FUT8: variants seen among roughly 807,000 people sequenced by gnomAD.
FUT8 encodes the protein fucosyltransferase 8, also known as alpha-(1,6)-fucosyltransferase.
Under a neutral mutation model 71.3 loss-of-function variants are expected in FUT8, and 29 were observed. The ratio of observed to expected loss-of-function variants is 0.41; its 90% CI spans 0.30 to 0.55. FUT8 has a LOEUF of 0.55. Among genes scored for constraint, FUT8 ranks in the 20% least tolerant of loss-of-function variants. The pLI is 0.34. For missense variants in FUT8, 544 were observed against 702.1 expected (o/e 0.77, Z 2.55); for synonymous variants, 254 against 239.3 (o/e 1.06, Z -0.57).
the FUT8 span, among the ~76,000 whole-genome samples, chr14:65,386,930 C>T: frequency 6.8e-6 from 1 of 147,308 alleles, no homozygotes; most frequent in Non-Finnish European, 1.5e-5. Flanking sequence ...CAACCTCTGC[C>T]TCCTGGGTTC....
At chr14:65,376,107 T>C in the FUT8 span, among the ~76,000 whole-genome samples, 1 of 150,650 alleles carries the variant, frequency 6.6e-6, no homozygotes, top group African/African-American at 2.4e-5. Flanking sequence ...AAAAAAATAA[T>C]AAAATAAATA....
intron 2 of FUT8, among the ~76,000 whole-genome samples, chr14:65,532,218 A>T (rs2139917038): frequency 6.6e-6 from 1 of 152,290 alleles, no homozygotes; most frequent in Non-Finnish European, 1.5e-5. Flanking sequence ...CAGTGGTTGA[A>T]CTAATTTTAC....
At chr14:65,527,915 A>C (rs2060208014) in intron 2 of FUT8, among the ~76,000 whole-genome samples, 1 of 152,182 alleles carries the variant, frequency 6.6e-6, no homozygotes, top group African/African-American at 2.4e-5. Flanking sequence ...TGGAAGCTTC[A>C]TCTCAGAGGG....
Position 65,643,665 on chromosome 14 carries a change from TACACACACACAC to T in FUT8, c.597+14098_597+14109del, listed in dbSNP as rs60967671. On this transcript the variant is annotated intron_variant, in intron 6 of 10. Coordinates refer to ENST00000673929, the MANE Select transcript of FUT8 (RefSeq NM_001371533.1). This position sits in a 1 kb window ranked among gnomAD's most constrained non-coding sequence, Gnocchi z 4.5. ...CGAGACTCCGTCTTTAAAAAAAAAA[TACACACACACAC>T]ACACACACACACACACACACACACA... is the stretch of plus-strand genomic sequence containing the variant. Among the ~76,000 whole-genome samples, 2,501 of 124,722 alleles carry T rather than the reference TACACACACACAC, an allele frequency of 0.02. 36 individuals are homozygous for T. The highest frequency in any genetic ancestry group is 0.021 in the Non-Finnish European group (1,286 of 61,866). 81.8% of individuals were successfully genotyped at this position (124,722 alleles called of 152,430 possible).
At chr14:65,425,165 GTTTC>G (rs1428324967) in intron 1 of FUT8, among the ~76,000 whole-genome samples, 1 of 150,956 alleles carries the variant, frequency 6.6e-6, no homozygotes, top group Admixed American at 6.6e-5. Flanking sequence ...AAAAAATGGA[GTTTC>G]TTTTTTTTTT....
intron 5 of FUT8, among the ~76,000 whole-genome samples, chr14:65,621,656 A>G (rs1414389578): frequency 4.0e-5 from 6 of 150,936 alleles, no homozygotes; most frequent in Admixed American, 6.6e-5. Context: ...CTGCCTCCCG[A>G]GTTCAAGCGA....
chr14:65,737,810 T>C (rs147214124), intron 10 of FUT8, among the ~76,000 whole-genome samples: 48 of 152,250 alleles, frequency 3.2e-4, no homozygotes, highest in African/African-American at 1.1e-3. Context: ...ATGGCAGTTA[T>C]TACAATACTC....
chr14:65,474,409 C>CCTG (rs1346188254), intron 2 of FUT8, among the ~76,000 whole-genome samples: 1 of 132,928 alleles, frequency 7.5e-6, no homozygotes, highest in Non-Finnish European at 1.6e-5. Flanking sequence ...TCGGGACCAG[C>CCTG]CTGACCAACA....
intron 7 of FUT8, among the ~76,000 whole-genome samples, chr14:65,701,172 T>C (rs1371274716): frequency 6.6e-6 from 1 of 152,234 alleles, no homozygotes; most frequent in Non-Finnish European, 1.5e-5. Flanking sequence ...AGGTGTTATA[T>C]CCCAAATTTT....
intron 3 of FUT8, among the ~76,000 whole-genome samples, chr14:65,576,894 ACT>A (rs1321407192): frequency 6.6e-6 from 1 of 151,084 alleles, no homozygotes; most frequent in Non-Finnish European, 1.5e-5. Flanking sequence ...TAATTTTTGT[ACT>A]TTTCATAGAG....
the FUT8 span, among the ~76,000 whole-genome samples, chr14:65,392,511 T>A: frequency 3.4e-4 from 52 of 152,092 alleles, 2 homozygotes; most frequent in South Asian, 4.8e-3. Flanking sequence ...CGGTTTTGAC[T>A]TCCTGAAATA....
Position 65,696,002 on chromosome 14 carries a change from A to G in FUT8, c.836-25773A>G, listed in dbSNP as rs374046766. 4.6e-5 allele frequency among the ~76,000 whole-genome samples: 7 copies of G among 152,156 alleles called. No individual in the cohort carries two copies. The East Asian group carries it at 7.7e-4, about 17-fold the overall frequency. On this transcript the variant is annotated intron_variant, in intron 7 of 10. Coordinates refer to ENST00000673929, the MANE Select transcript of FUT8 (RefSeq NM_001371533.1). Reference sequence around the variant, plus strand: ...CTTTATATATCCCTTCATGGGATATATAATGCCAAGACCTTATAACAGAGT... The same window carrying G: ...CTTTATATATCCCTTCATGGGATATGTAATGCCAAGACCTTATAACAGAGT...
chr14:65,691,232 T>G (rs1817176281), intron 7 of FUT8, among the ~76,000 whole-genome samples: 1 of 151,184 alleles, frequency 6.6e-6, no homozygotes. Flanking sequence ...TACCTTTTCT[T>G]TCTTTCTTTT....
At chr14:65,624,752 T>C (rs1425887879) in intron 5 of FUT8, among the ~76,000 whole-genome samples, 2 of 152,258 alleles carry the variant, frequency 1.3e-5, no homozygotes, top group Non-Finnish European at 2.9e-5. Flanking sequence ...TTCCATTGTA[T>C]GACATCTCCA....
chr14:65,545,896 A>G (rs75583224), intron 2 of FUT8, among the ~76,000 whole-genome samples: 1,589 of 151,942 alleles, frequency 0.01, 28 homozygotes, highest in African/African-American at 0.037. Context: ...ACATCTATAT[A>G]ATAAATGCTG....
rs910872972 is a variant in FUT8 at position 65,603,408 on chromosome 14, T to A, written c.204-12570T>A. Among the ~76,000 whole-genome samples the A allele has an allele frequency of 6.6e-6, 1 of 151,824 alleles. No individual in the cohort carries two copies. The highest frequency in any genetic ancestry group is 1.5e-5 in the Non-Finnish European group (1 of 67,902). ...TATAGTATGGTTTGAAATCAGGTAG[T>A]GTGATGCCTCCAGATTTGTTCTTTT... is the stretch of plus-strand genomic sequence containing the variant. On this transcript the variant is annotated intron_variant, in intron 3 of 10. Coordinates refer to ENST00000673929, the MANE Select transcript of FUT8 (RefSeq NM_001371533.1). This position sits in a 1 kb window ranked among gnomAD's most constrained non-coding sequence, Gnocchi z 4.5.
intron 2 of FUT8, among the ~76,000 whole-genome samples, chr14:65,536,428 G>A (rs1884316293): frequency 6.6e-6 from 1 of 152,128 alleles, no homozygotes; most frequent in South Asian, 2.1e-4. Flanking sequence ...TCTTTAAGGG[G>A]CTCTTGTAAG....
At chr14:65,422,028 C>T (rs760525884) in intron 1 of FUT8, among the ~76,000 whole-genome samples, 11 of 152,052 alleles carry the variant, frequency 7.2e-5, no homozygotes, top group African/African-American at 2.7e-4. Context: ...CTCGTGACCC[C>T]CTGATTTAGA....
Position 65,501,852 on chromosome 14 carries a change from T to C in FUT8, c.-228+46134T>C, listed in dbSNP as rs2066649889. Among the ~76,000 whole-genome samples, 3 of 151,636 alleles carry C rather than the reference T, an allele frequency of 2.0e-5. No individual in the cohort carries two copies. In the South Asian group the frequency reaches 6.3e-4, roughly 32 times the overall value. On this transcript the variant is annotated intron_variant, in intron 2 of 10. Coordinates refer to ENST00000673929, the MANE Select transcript of FUT8 (RefSeq NM_001371533.1). The stretch of plus-strand genomic sequence containing the variant: ...TGTTATTATTATTTAAAAAATTAAT[T>C]TGTTTAGTTAATGTGATGGGGGAGG...
Sources: gnomAD v4.1 joint callset for allele counts (sites outside exome capture counted in the v4.1 genomes callset) on GRCh38, gnomAD v4.1.1 for gene constraint, Gnocchi (gnomAD v3.1) non-coding constraint, MANE v1.5 for transcripts, NCBI Gene and HGNC (gene_info 2026-07-23, HGNC 2026-07-21) for gene names.